UNC13B: variants seen among roughly 807,000 people sequenced by gnomAD.
UNC13B encodes protein unc-13 homolog B.
UNC13B carries 144 observed loss-of-function variants against 211.0 expected under a neutral mutation model. The observed-to-expected ratio is 0.68, with a 90% CI of 0.60 to 0.78. UNC13B has a LOEUF of 0.78. UNC13B is among the 30% of genes least tolerant of loss of function. UNC13B has a pLI of 0.00. For missense variants in UNC13B, 1,777 were observed against 2,002.0 expected (o/e 0.89, Z 2.14); for synonymous variants, 709 against 725.8 (o/e 0.98, Z 0.37).
At position 35,300,968 on chromosome 9, in the gene UNC13B, A is replaced by C. The variant is rs1829650747; in HGVS notation, c.1564A>C (p.Thr522Pro). ...PLTIVKNDKD[T>P]AISFPELTGV... The stretch of plus-strand genomic sequence containing the variant: ...AACTATTGTCAAGAATGACAAGGAC[A>C]CGGCCATCTCTTTCCCTGAGTTGAC... Residue 522 changes from threonine to proline, a missense_variant, in exon 9 of 40, where the codon ACG becomes CCG. Thr to Pro is a conservative substitution (Grantham distance 38, BLOSUM62 -1). Coordinates refer to ENST00000635942, the MANE Select transcript of UNC13B (RefSeq NM_001371189.2). 3 of 399,002 alleles carry C rather than the reference A, an allele frequency of 7.5e-6. No homozygotes were observed. The East Asian group carries it at 1.1e-4, about 14-fold the overall frequency. 24.7% of individuals were successfully genotyped at this position (399,002 alleles called of 1,614,324 possible). A position where few individuals can be genotyped will look rare whatever the true frequency, so the allele number is the denominator to read the frequency against.
chr9:35,286,226 C>CTTTTTTTTTT (rs777657602), intron 7 of UNC13B, among the ~76,000 whole-genome samples: 24 of 117,658 alleles, frequency 2.0e-4, no homozygotes, highest in African/African-American at 7.2e-4. Context: ...AAGCTTGGAA[C>CTTTTTTTTTT]TTTTTTTTTT....
At chr9:35,212,410 T>G (rs1011068700) in intron 1 of UNC13B, among the ~76,000 whole-genome samples, 1 of 152,020 alleles carries the variant, frequency 6.6e-6, no homozygotes, top group Non-Finnish European at 1.5e-5. Flanking sequence ...CTGTCTCCAC[T>G]AAAAATACAA....
intron 5 of UNC13B, among the ~76,000 whole-genome samples, chr9:35,239,407 G>A (rs1346855833): frequency 6.6e-6 from 1 of 152,116 alleles, no homozygotes; most frequent in East Asian, 1.9e-4. Flanking sequence ...GGGAGTGTAC[G>A]AATAGGGTGT....
At chr9:35,202,392 C>G in intron 1 of UNC13B, among the ~76,000 whole-genome samples, 1 of 152,118 alleles carries the variant, frequency 6.6e-6, no homozygotes, top group East Asian at 1.9e-4. Context: ...GAGTTCAATT[C>G]CTGGATATCC....
intron 6 of UNC13B, among the ~76,000 whole-genome samples, chr9:35,250,391 C>A (rs1826391480): frequency 6.6e-6 from 1 of 152,188 alleles, no homozygotes; most frequent in South Asian, 2.1e-4. Flanking sequence ...TGGACCTATT[C>A]TGTGCATTTC....
intron 7 of UNC13B, among the ~76,000 whole-genome samples, chr9:35,276,143 A>T (rs1219263302): frequency 2.0e-5 from 3 of 151,820 alleles, no homozygotes; most frequent in Non-Finnish European, 4.4e-5. Context: ...CGATCTCTAC[A>T]AAAAATACAA....
chr9:35,237,476 G>A (rs921965558), intron 4 of UNC13B, among the ~76,000 whole-genome samples: 14 of 152,140 alleles, frequency 9.2e-5, no homozygotes, highest in African/African-American at 1.9e-4. Context: ...TTCTGTCCTC[G>A]TTAGACCTGC....
chr9:35,298,812 A>G (rs764963901), intron 8 of UNC13B, among the ~76,000 whole-genome samples: 17 of 152,228 alleles, frequency 1.1e-4, no homozygotes, highest in Non-Finnish European at 2.2e-4. Flanking sequence ...AGTTCAGGCT[A>G]TCTTCAGTAT....
In UNC13B at chr9:35,334,963, G is replaced by A. The variant is rs371826894; in HGVS notation, c.9414+20974G>A. Among the ~76,000 whole-genome samples, 16 of 152,276 alleles carry A rather than the reference G, an allele frequency of 1.1e-4. No individual in the cohort carries two copies. In the East Asian group the frequency reaches 1.9e-3, roughly 18 times the overall value. On this transcript the variant is annotated intron_variant, in intron 11 of 39. Coordinates refer to ENST00000635942, the MANE Select transcript of UNC13B (RefSeq NM_001371189.2). ...TGAGAGAGGAGAATCACTTGAACCC[G>A]GGAGGTGGAGGTTGCAGTGAGCCGA...
chr9:35,190,799 G>C (rs746788737), intron 1 of UNC13B, among the ~76,000 whole-genome samples: 1 of 152,148 alleles, frequency 6.6e-6, no homozygotes, highest in Non-Finnish European at 1.5e-5. Flanking sequence ...ATTAAGCTGA[G>C]CACTCTTTCA....
intron 17 of UNC13B, 106 bp downstream of exon 17, chr9:35,378,542 G>T: frequency 6.9e-7 from 1 of 1,446,480 alleles, no homozygotes; most frequent in Non-Finnish European, 9.5e-7. Flanking sequence ...AAAGGCAGGG[G>T]AGAAAACTCA....
chr9:35,384,342 A>C, intron 22 of UNC13B, 28 bp downstream of exon 22: 1 of 1,610,852 alleles, frequency 6.2e-7, no homozygotes, highest in Non-Finnish European at 8.5e-7. Flanking sequence ...TGTGGGCAGG[A>C]TAATAGATAT....
chr9:35,302,722 T>C lies in UNC13B; in HGVS notation c.3318T>C (p.Ser1106=). 1 of 398,672 alleles carries C rather than the reference T, an allele frequency of 2.5e-6. No homozygotes were observed. Among genetic ancestry groups the C allele is most frequent in the Non-Finnish European group, 4.4e-6 (1 of 225,754 alleles). The allele number at this position is 398,672 out of a possible 1,614,324, so 24.7% of individuals were successfully genotyped here. A position where few individuals can be genotyped will look rare whatever the true frequency, so the allele number is the denominator to read the frequency against. Residue 1106 remains serine (S), a synonymous_variant, in exon 9 of 40, where the codon TCT becomes TCC. Coordinates refer to ENST00000635942, the MANE Select transcript of UNC13B (RefSeq NM_001371189.2). The stretch of plus-strand genomic sequence containing the variant: ...ATAAGAATCTTATACAAGCAGCATC[T>C]TCAGTAGCATCAGACTCTTCATTAG... The part of the protein sequence containing the change: ...GEDKNLIQAA[S]SVASDSSLEC...
At chr9:35,329,024 G>T (rs777908432) in intron 11 of UNC13B, among the ~76,000 whole-genome samples, 1 of 151,734 alleles carries the variant, frequency 6.6e-6, no homozygotes, top group Non-Finnish European at 1.5e-5. Flanking sequence ...GCCCACCTCG[G>T]CCTCCCAAAG....
chr9:35,201,854 TC>T (rs1823319471), intron 1 of UNC13B, among the ~76,000 whole-genome samples: 1 of 152,186 alleles, frequency 6.6e-6, no homozygotes, highest in Non-Finnish European at 1.5e-5. Flanking sequence ...TCTGCTCTGA[TC>T]TTAGTTATTT....
In UNC13B at chr9:35,367,009, C is replaced by T; in HGVS notation, c.9461+16C>T. 1 of 1,610,468 alleles carries T rather than the reference C, an allele frequency of 6.2e-7. No individual in the cohort carries two copies. The highest frequency in any genetic ancestry group is 1.7e-4 in the Middle Eastern group (1 of 6,054). ...TCCCGGAAGGGTAAGTAATTCACTG[C>T]AAGGTTTCTGTGGATTTTATTCAGT... is the stretch of plus-strand genomic sequence containing the variant. On this transcript the variant is annotated intron_variant, in intron 12 of 39. Transcript: ENST00000635942.
At chr9:35,166,709 A>G (rs1287639028) in intron 1 of UNC13B, among the ~76,000 whole-genome samples, 1 of 152,184 alleles carries the variant, frequency 6.6e-6, no homozygotes, top group African/African-American at 2.4e-5. Context: ...TATACAGATA[A>G]GAAGTTGAAA....
At position 35,164,356 on chromosome 9, in the gene UNC13B, T is replaced by C. The variant is rs117250371; in HGVS notation, c.22+2051T>C. Among the ~76,000 whole-genome samples the C allele has an allele frequency of 1.7e-4, 26 of 152,334 alleles. No individual in the cohort carries two copies. In the East Asian group the frequency reaches 2.5e-3, roughly 15 times the overall value. On this transcript the variant is annotated intron_variant, in intron 1 of 39. Coordinates refer to ENST00000635942, the MANE Select transcript of UNC13B (RefSeq NM_001371189.2). ...CTAAAATGACATTCCTTGCGTTGTA[T>C]TTTGGCAGTAGGAATGTTGTATTCT...
intron 13 of UNC13B, 99 bp from the exon 14 acceptor site, chr9:35,375,028 T>C: frequency 8.7e-7 from 1 of 1,145,994 alleles, no homozygotes; most frequent in South Asian, 1.2e-5. Context: ...AGTACTGTAG[T>C]AAGCTATAGT....
Sources: allele counts gnomAD v4.1 joint callset (sites outside exome capture counted in the v4.1 genomes callset), GRCh38; gene constraint gnomAD v4.1.1; transcripts MANE v1.5; gene names NCBI Gene and HGNC (gene_info 2026-07-23, HGNC 2026-07-21).